The following PCDHA8 variants were observed in gnomAD, a reference collection of about 807,000 sequenced individuals.
PCDHA8 encodes protocadherin alpha-8.
In PCDHA8, 53 loss-of-function variants were observed where a neutral mutation model predicts 61.8. The ratio of observed to expected loss-of-function variants is 0.86; its 90% CI spans 0.69 to 1.08. The LOEUF is 1.08. Ranked by LOEUF, PCDHA8 falls within the 50% of genes least tolerant of loss-of-function variation. The pLI, the probability that PCDHA8 is intolerant of heterozygous loss-of-function variation, is 0.00. For missense variants in PCDHA8, 1,293 were observed against 1,245.0 expected (o/e 1.04, Z -0.58); for synonymous variants, 618 against 556.6 (o/e 1.11, Z -1.55).
chr5:140,956,960 TAATC>T (rs2307694), intron 1 of PCDHA8, among the ~76,000 whole-genome samples: 47,965 of 151,898 alleles, frequency 0.32, 7,886 homozygotes, highest in East Asian at 0.53. Flanking sequence ...ACACTGTAAT[TAATC>T]AGTCAATTTA....
intron 1 of PCDHA8, among the ~76,000 whole-genome samples, chr5:140,954,268 A>C (rs1381458746): frequency 2.0e-5 from 3 of 152,224 alleles, no homozygotes; most frequent in African/African-American, 7.2e-5. Flanking sequence ...TCTTTATAAT[A>C]GGATGATTTA....
Position 140,923,530 on chromosome 5 carries a change from A to G in PCDHA8, c.2395-55419A>G, listed in dbSNP as rs115719485. On this transcript the variant is annotated intron_variant, in intron 1 of 3. Coordinates refer to ENST00000531613, the MANE Select transcript of PCDHA8 (RefSeq NM_018911.3). ...GATGATGAAGTGAGATTCTGTCCCAAAAAAAGGACAAAATGAAATATCAGC... is the reference window on the plus strand; with the variant it reads ...GATGATGAAGTGAGATTCTGTCCCAGAAAAAGGACAAAATGAAATATCAGC... Among the ~76,000 whole-genome samples, 836 of 152,264 alleles carry G rather than the reference A, an allele frequency of 5.5e-3. 5 individuals carry two copies. The highest frequency in any genetic ancestry group is 0.019 in the African/African-American group (794 of 41,534).
At chr5:140,849,791 G>C (rs1482087320) in intron 1 of PCDHA8, 8 of 1,598,446 alleles carry the variant, frequency 5.0e-6, no homozygotes, top group Non-Finnish European at 6.8e-6. Context: ...ACGGGGGCTC[G>C]CCTTCACTGT....
chr5:140,919,847 G>A (rs1309572866), intron 1 of PCDHA8, among the ~76,000 whole-genome samples: 1 of 152,200 alleles, frequency 6.6e-6, no homozygotes, highest in East Asian at 1.9e-4. Flanking sequence ...TTTGGAACCT[G>A]TGACCTCATT....
At chr5:140,966,631 G>A in intron 1 of PCDHA8, 1 of 995,532 alleles carries the variant, frequency 1.0e-6, no homozygotes, top group Non-Finnish European at 1.4e-6. Flanking sequence ...AGCGGCCCCA[G>A]GCGCTTTCTA....
At chr5:140,925,382 C>A (rs2082461008) in intron 1 of PCDHA8, among the ~76,000 whole-genome samples, 1 of 152,078 alleles carries the variant, frequency 6.6e-6, no homozygotes, top group Non-Finnish European at 1.5e-5. Flanking sequence ...GTCAATGAGT[C>A]TCCTTTTGGC....
chr5:141,006,937 A>G (rs1341234151), intron 3 of PCDHA8, among the ~76,000 whole-genome samples: 1 of 152,206 alleles, frequency 6.6e-6, no homozygotes, highest in Non-Finnish European at 1.5e-5. Context: ...AACTGGGGAT[A>G]CCAGATAGGC....
At chr5:140,852,920 C>T (rs1481418801) in intron 1 of PCDHA8, 1 of 758,850 alleles carries the variant, frequency 1.3e-6, no homozygotes, top group African/African-American at 1.9e-5. Context: ...GCTCTGTTGC[C>T]CAGGCTGGAG....
chr5:140,900,927 G>A (rs2068371563), intron 1 of PCDHA8, among the ~76,000 whole-genome samples: 2 of 152,056 alleles, frequency 1.3e-5, no homozygotes, highest in South Asian at 4.1e-4. Context: ...ATATCTCATT[G>A]TAGTTTTGAT....
At chr5:140,968,378 G>A (rs782689152) in intron 1 of PCDHA8, 15 of 1,614,040 alleles carry the variant, frequency 9.3e-6, no homozygotes, top group Non-Finnish European at 1.3e-5. Context: ...CAACTCCTTT[G>A]ACTATGAGAA....
intron 1 of PCDHA8, chr5:140,876,257 T>A (rs781806447): frequency 6.2e-7 from 1 of 1,614,000 alleles, no homozygotes; most frequent in Non-Finnish European, 8.5e-7. Context: ...ACAAGAGTGA[T>A]CCAACTAAAT....
chr5:140,973,015 A>T (rs1554234824), intron 1 of PCDHA8, among the ~76,000 whole-genome samples: 1 of 152,000 alleles, frequency 6.6e-6, no homozygotes, highest in African/African-American at 2.4e-5. Context: ...TGGTGTTGTG[A>T]TTGTTAATGA....
intron 1 of PCDHA8, among the ~76,000 whole-genome samples, chr5:140,888,521 C>A (rs191011552): frequency 1.3e-5 from 2 of 152,142 alleles, no homozygotes; most frequent in African/African-American, 2.4e-5. Context: ...TTAGTTCTGA[C>A]GTGAAGTTAA....
At chr5:140,927,095 TG>T in intron 1 of PCDHA8, 1 of 1,612,210 alleles carries the variant, frequency 6.2e-7, no homozygotes, top group Non-Finnish European at 8.5e-7. Flanking sequence ...TACTTCGGGG[TG>T]GATCTACCCA....
Position 140,885,215 on chromosome 5 carries a change from A to T in PCDHA8, c.2394+41500A>T, listed in dbSNP as rs564445744. Among the ~76,000 whole-genome samples the T allele has an allele frequency of 2.8e-3, 423 of 152,102 alleles. 2 individuals carry two copies. The highest frequency in any genetic ancestry group is 0.014 in the Middle Eastern group (4 of 294). On this transcript the variant is annotated intron_variant, in intron 1 of 3. Transcript: ENST00000531613. ...CCCTCTCATATATCCCATGAAAAAT[A>T]TCTTGTGATTCTGCTTTCAATTTTT... is the stretch of plus-strand genomic sequence containing the variant.
intron 1 of PCDHA8, chr5:140,869,408 G>T (rs782029332): frequency 2.0e-5 from 32 of 1,614,106 alleles, no homozygotes; most frequent in Non-Finnish European, 2.7e-5. Context: ...AGCGCGGAGT[G>T]CAGCATCCAC....
At chr5:140,850,643 G>T in intron 1 of PCDHA8, 1 of 1,598,690 alleles carries the variant, frequency 6.3e-7, no homozygotes, top group Non-Finnish European at 8.6e-7. Flanking sequence ...TCACGCTGCT[G>T]CTGTACACTG....
chr5:141,004,163 G>A (rs374407159), intron 3 of PCDHA8, among the ~76,000 whole-genome samples: 3 of 152,234 alleles, frequency 2.0e-5, no homozygotes, highest in African/African-American at 7.2e-5. Context: ...TATAGGCAAA[G>A]CCAGCCAAGT....
chr5:140,897,340 C>T, intron 1 of PCDHA8, among the ~76,000 whole-genome samples: 1 of 122,942 alleles, frequency 8.1e-6, no homozygotes, highest in Non-Finnish European at 1.6e-5. Context: ...CCCCTCCCCC[C>T]ACCCCACAAC....
Sources: gnomAD v4.1 joint callset for allele counts (sites outside exome capture counted in the v4.1 genomes callset) on GRCh38, gnomAD v4.1.1 for gene constraint, MANE v1.5 for transcripts, NCBI Gene and HGNC (gene_info 2026-07-23, HGNC 2026-07-21) for gene names.